Variants in MEOX2 observed in about 807,000 individuals in gnomAD.
MEOX2 encodes the protein homeobox protein MOX-2.
Under a neutral mutation model 27.0 loss-of-function variants are expected in MEOX2, and 11 were observed. The ratio of observed to expected loss-of-function variants is 0.41; its 90% CI spans 0.26 to 0.68. MEOX2 has a LOEUF of 0.68. Among genes scored for constraint, MEOX2 ranks in the 30% least tolerant of loss-of-function variants. The pLI, the probability that MEOX2 is intolerant of heterozygous loss-of-function variation, is 0.33. For synonymous variants in MEOX2, 189 were observed against 155.4 expected, an observed-to-expected ratio of 1.22 and a Z score of -1.61; for missense variants, 436 against 385.4, an observed-to-expected ratio of 1.13 and a Z score of -1.10.
intron 1 of MEOX2, among the ~76,000 whole-genome samples, chr7:15,663,342 T>C (rs904726982): frequency 3.3e-5 from 5 of 151,936 alleles, no homozygotes; most frequent in African/African-American, 1.2e-4. Context: ...AATCTTTTTT[T>C]TTTTTTTTGA....
chr7:15,682,534 G>T (rs73060529), intron 1 of MEOX2, among the ~76,000 whole-genome samples: 1 of 151,428 alleles, frequency 6.6e-6, no homozygotes, highest in Non-Finnish European at 1.5e-5. Flanking sequence ...TCCCCAAATC[G>T]CTCTTTTCTT....
chr7:15,641,686 T>C (rs1361096359), intron 1 of MEOX2, among the ~76,000 whole-genome samples: 1 of 152,184 alleles, frequency 6.6e-6, no homozygotes. Context: ...GTAGTCCCAA[T>C]TGTGTAATTG....
chr7:15,625,019 A>C (rs925562944), intron 2 of MEOX2, among the ~76,000 whole-genome samples: 2 of 152,144 alleles, frequency 1.3e-5, no homozygotes, highest in African/African-American at 2.4e-5. Context: ...ATGACAGATA[A>C]CCGTAGACCA....
At position 15,629,873 on chromosome 7, in the gene MEOX2, A is replaced by G. The variant is rs144517730; in HGVS notation, c.518-2955T>C. 8.0e-4 allele frequency among the ~76,000 whole-genome samples: 121 copies of G among 152,076 alleles called. 1 individual carries two copies. The highest frequency in any genetic ancestry group is 1.4e-3 in the Non-Finnish European group (95 of 67,950). On this transcript the variant is annotated intron_variant, in intron 1 of 2. Coordinates refer to ENST00000262041, the MANE Select transcript of MEOX2 (RefSeq NM_005924.5). ...TTCTTTGGTAGAAAATGGATGGAAG[A>G]TTTGCACCATGCATTTGACAATTTT...
intron 1 of MEOX2, among the ~76,000 whole-genome samples, chr7:15,635,347 G>T (rs1324412886): frequency 1.3e-5 from 2 of 151,916 alleles, no homozygotes; most frequent in Admixed American, 1.3e-4. Context: ...CCATTTAATT[G>T]TGATACTAAA....
At chr7:15,675,172 T>A (rs1782172560) in intron 1 of MEOX2, among the ~76,000 whole-genome samples, 1 of 152,236 alleles carries the variant, frequency 6.6e-6, no homozygotes, top group Non-Finnish European at 1.5e-5. Flanking sequence ...AAATATCTAC[T>A]ATTTACAGCA....
intron 1 of MEOX2, among the ~76,000 whole-genome samples, chr7:15,678,194 C>T (rs1782232843): frequency 6.6e-6 from 1 of 152,094 alleles, no homozygotes; most frequent in Admixed American, 6.5e-5. Flanking sequence ...AAAAGAAATT[C>T]CCACGTAAGC....
rs923674460 is a variant in MEOX2, at chr7:15,677,486, G to T, written c.517+8400C>A. On this transcript the variant is annotated intron_variant, in intron 1 of 2. Coordinates refer to ENST00000262041, the MANE Select transcript of MEOX2 (RefSeq NM_005924.5). Reference sequence around the variant, plus strand: ...AGGGTTGCATCCACCTAACCCTCCGGGGTTCTGGCTTCGGATAGTGTTTGA... The same window carrying T: ...AGGGTTGCATCCACCTAACCCTCCGTGGTTCTGGCTTCGGATAGTGTTTGA... 5.9e-5 allele frequency: 9 copies of T among 152,130 alleles called. 1 individual carries two copies. In the South Asian group the frequency reaches 1.5e-3, roughly 25 times the overall value. The allele number at this position is 152,130 out of a possible 1,614,324, so 9.4% of individuals were successfully genotyped here.
chr7:15,636,357 T>A (rs1330269230), intron 1 of MEOX2, among the ~76,000 whole-genome samples: 1 of 151,954 alleles, frequency 6.6e-6, no homozygotes, highest in Non-Finnish European at 1.5e-5. Flanking sequence ...CAAAGTATAA[T>A]AAACAAATTA....
At chr7:15,613,600 T>A (rs1357576456) in intron 2 of MEOX2, among the ~76,000 whole-genome samples, 1 of 152,136 alleles carries the variant, frequency 6.6e-6, no homozygotes, top group African/African-American at 2.4e-5. Flanking sequence ...GAATTTTGTG[T>A]GTCACCTCCA....
At chr7:15,630,230 AC>A (rs1781380846) in intron 1 of MEOX2, among the ~76,000 whole-genome samples, 1 of 152,110 alleles carries the variant, frequency 6.6e-6, no homozygotes, top group African/African-American at 2.4e-5. Flanking sequence ...CCCTGGGACT[AC>A]GCTAATGGAA....
At chr7:15,666,765 AAAAAAAAAAAAAAAATAT>A (rs1268357797) in intron 1 of MEOX2, among the ~76,000 whole-genome samples, 2 of 78,516 alleles carry the variant, frequency 2.5e-5, no homozygotes, top group African/African-American at 4.2e-5. Flanking sequence ...AAAAAAAAAA[AAAAAAAAAAAAAAAATAT>A]ATATATATAT....
intron 2 of MEOX2, among the ~76,000 whole-genome samples, chr7:15,617,387 T>C (rs1280299230): frequency 6.6e-6 from 1 of 152,058 alleles, no homozygotes; most frequent in African/African-American, 2.4e-5. Context: ...CCCTAGTGAT[T>C]AAATTTGATC....
intron 1 of MEOX2, among the ~76,000 whole-genome samples, chr7:15,646,100 A>T (rs1287952490): frequency 6.6e-6 from 1 of 152,076 alleles, no homozygotes; most frequent in East Asian, 1.9e-4. Context: ...TATGAAAATA[A>T]GAATAGCAAC....
chr7:15,660,319 A>T (rs1002346719), intron 1 of MEOX2, among the ~76,000 whole-genome samples: 7 of 152,188 alleles, frequency 4.6e-5, no homozygotes, highest in African/African-American at 7.2e-5. Context: ...GCTGTGAGCA[A>T]CAGGGAGTAT....
At chr7:15,665,856 A>G (rs1399256098) in intron 1 of MEOX2, among the ~76,000 whole-genome samples, 1 of 152,080 alleles carries the variant, frequency 6.6e-6, no homozygotes, top group African/African-American at 2.4e-5. Context: ...CACCTTAATA[A>G]ACAAAGAAAT....
chr7:15,624,393 A>C (rs1347347615), intron 2 of MEOX2, among the ~76,000 whole-genome samples: 1 of 152,278 alleles, frequency 6.6e-6, no homozygotes, highest in African/African-American at 2.4e-5. Flanking sequence ...TGCTGTGGTT[A>C]GATTATTTCA....
intron 1 of MEOX2, among the ~76,000 whole-genome samples, chr7:15,678,605 C>T (rs574616271): frequency 2.0e-5 from 3 of 152,158 alleles, no homozygotes; most frequent in Non-Finnish European, 4.4e-5. Flanking sequence ...AATAACCATC[C>T]AAATGTTTAC....
chr7:15,620,275 C>T lies in MEOX2; in HGVS notation c.690+6471G>A, dbSNP rs1216962613. 3.9e-5 allele frequency among the ~76,000 whole-genome samples: 6 copies of T among 152,172 alleles called. No homozygotes were observed. The East Asian group carries it at 1.2e-3, about 29-fold the overall frequency. On this transcript the variant is annotated intron_variant, in intron 2 of 2. Coordinates refer to ENST00000262041, the MANE Select transcript of MEOX2 (RefSeq NM_005924.5). ...TGCTGTAAAGAAATAAAGAAATATT[C>T]TAAAGTGTGGCTACATAGGTAGACT...
Sources: gnomAD v4.1 joint callset for allele counts (sites outside exome capture counted in the v4.1 genomes callset) on GRCh38, gnomAD v4.1.1 for gene constraint, MANE v1.5 for transcripts, NCBI Gene and HGNC (gene_info 2026-07-23, HGNC 2026-07-21) for gene names.